MYL5: variants seen among roughly 807,000 people sequenced by gnomAD.
MYL5 encodes myosin regulatory light chain 5.
Under a neutral mutation model 20.8 loss-of-function variants are expected in MYL5, and 28 were observed. The observed-to-expected ratio is 1.35, with a 90% CI of 1.00 to 1.84. The LOEUF is 1.84. Among genes scored for constraint, MYL5 ranks in the 40% most tolerant of loss-of-function variants. MYL5 has a pLI of 0.00. For missense variants in MYL5, 274 were observed against 227.3 expected, an observed-to-expected ratio of 1.21 and a Z score of -1.32; for synonymous variants, 118 against 87.4, an observed-to-expected ratio of 1.35 and a Z score of -1.95.
Position 680,029 on chromosome 4 carries a change from G to A in MYL5, c.292+11G>A. ...GGGAGAAGCTGAGCGGTGAGCACCG[G>A]TGGGGCAGGCCTGGCCCTCCTAGCT... On this transcript the variant is annotated intron_variant, in intron 4 of 6. Transcript: ENST00000400159. 2.5e-6 allele frequency: 4 copies of A among 1,603,480 alleles called. No individual in the cohort carries two copies. The highest frequency in any genetic ancestry group is 3.4e-6 in the Non-Finnish European group (4 of 1,173,132).
At chr4:679,213 A>G in intron 3 of MYL5, 180 bp downstream of exon 5, 1 of 720,692 alleles carries the variant, frequency 1.4e-6, no homozygotes, top group Non-Finnish European at 2.5e-6. Flanking sequence ...CAGAGCTGGC[A>G]GAGAGCATCC....
exon 2 of MYL5, chr4:678,710 C>T: frequency 2.5e-6 from 4 of 1,612,194 alleles, no homozygotes; most frequent in Non-Finnish European, 3.4e-6. Context: ...GCCCAGAGAG[C>T]CTCATCCAAT....
At chr4:681,382 T>G (rs1560156573) in intron 6 of MYL5, among the ~76,000 whole-genome samples, 1 of 151,760 alleles carries the variant, frequency 6.6e-6, no homozygotes, top group Non-Finnish European at 1.5e-5. Context: ...CTCCGCGGCC[T>G]GAGCGTCTGT....
At chr4:676,921 G>A (rs975073580), upstream of MYL5, 19 of 985,296 alleles carry the variant, frequency 1.9e-5, no homozygotes, top group African/African-American at 3.1e-4. Context: ...ACCTGGGGAT[G>A]GCACCAGGCA....
intron 6 of MYL5, 157 bp from the exon 9 acceptor site, chr4:681,736 C>T (rs1389846958): frequency 3.0e-6 from 2 of 671,274 alleles, no homozygotes; most frequent in South Asian, 7.7e-5. Context: ...CCCCCTCCAG[C>T]GCCGCCCCGC....
intron 1 of MYL5, chr4:678,433 G>T (rs1739075789): frequency 3.5e-6 from 5 of 1,424,532 alleles, no homozygotes; most frequent in Non-Finnish European, 4.6e-6. Context: ...GGAAGCCACT[G>T]TCCCTCCCCC....
upstream of MYL5, among the ~76,000 whole-genome samples, chr4:677,199 A>T (rs1738930332): frequency 6.6e-6 from 1 of 152,140 alleles, no homozygotes; most frequent in Non-Finnish European, 1.5e-5. Context: ...CTCAGCCTGT[A>T]GGCCTCCTCC....
At chr4:676,873 C>G (rs1034670446), upstream of MYL5, 52 of 985,226 alleles carry the variant, frequency 5.3e-5, no homozygotes, top group African/African-American at 1.7e-5. Flanking sequence ...CTCCAGGGTC[C>G]TCAACCTCAG....
At chr4:678,097 G>A (rs2109328846) in intron 1 of MYL5, 68 bp downstream of exon 3, 1 of 1,592,620 alleles carries the variant, frequency 6.3e-7, no homozygotes, top group East Asian at 2.3e-5. Flanking sequence ...ATGTGTACAT[G>A]CGCACAGACG....
chr4:675,481 T>A (rs1738767516), upstream of MYL5: 1 of 152,376 alleles, frequency 6.6e-6, no homozygotes, highest in Non-Finnish European at 1.5e-5. Context: ...CCAGGACTCT[T>A]GAAGCAAGCA....
chr4:680,184 G>A (rs1739310407), intron 4 of MYL5, among the ~76,000 whole-genome samples, 166 bp downstream of exon 6: 1 of 152,128 alleles, frequency 6.6e-6, no homozygotes. Flanking sequence ...CCAGAGCCAT[G>A]TGCTCAGGCC....
At chr4:681,861 C>G in intron 6 of MYL5, 32 bp from the exon 9 acceptor site, 1 of 1,307,352 alleles carries the variant, frequency 7.6e-7, no homozygotes, top group Non-Finnish European at 9.8e-7. Flanking sequence ...GCTCCCGGAG[C>G]CCGCAAGGAG....
intron 6 of MYL5, 87 bp downstream of exon 8, chr4:681,227 G>C: frequency 6.7e-7 from 1 of 1,491,918 alleles, no homozygotes; most frequent in Non-Finnish European, 9.1e-7. Context: ...CGGAGCCCGA[G>C]GAGCAGCGCC....
chr4:678,405 G>A lies in MYL5; in HGVS notation c.4-253G>A, dbSNP rs1739073610. On this transcript the variant is annotated intron_variant, in intron 1 of 6. Transcript: ENST00000400159. ...TGCTGGACGGCGATCCCTGACCACT[G>A]TGCTCTGTGGGCCTTCTGGAAGCCA... The A allele has an allele frequency of 4.2e-6, 6 of 1,419,536 alleles. No individual in the cohort carries two copies. The Admixed American group carries it at 8.7e-5, about 21-fold the overall frequency. The allele number at this position is 1,419,536 out of a possible 1,614,324, so 87.9% of individuals were successfully genotyped here.
At chr4:674,825 AGT>A (rs1313882789), upstream of MYL5, 1 of 153,272 alleles carries the variant, frequency 6.5e-6, no homozygotes, top group Admixed American at 6.5e-5. Flanking sequence ...ACAAGGCAGT[AGT>A]GTCTGTCGCC....
At chr4:681,258 AAC>A (rs1434404005) in intron 6 of MYL5, 118 bp downstream of exon 8, 2 of 1,247,630 alleles carry the variant, frequency 1.6e-6, no homozygotes, top group Non-Finnish European at 2.2e-6. Flanking sequence ...CCCAGGACAG[AAC>A]AGGCCCCCGG....
chr4:678,177 C>T lies in MYL5; in HGVS notation c.3+148C>T. On this transcript the variant is annotated intron_variant, in intron 1 of 6. Coordinates refer to ENST00000400159, the Ensembl canonical transcript of MYL5. ...TGTGCTCTGCCTGCATATGTGTGTGCATGAGCGTGTGTATGTGCGTGTGTG... is the reference window on the plus strand; with the variant it reads ...TGTGCTCTGCCTGCATATGTGTGTGTATGAGCGTGTGTATGTGCGTGTGTG... 3.3e-6 allele frequency: 5 copies of T among 1,537,264 alleles called. 1 individual carries two copies. The South Asian group carries it at 6.0e-5, about 19-fold the overall frequency.
At chr4:675,373 C>G (rs767324218), upstream of MYL5, 1 of 152,366 alleles carries the variant, frequency 6.6e-6, no homozygotes, top group Non-Finnish European at 1.5e-5. Context: ...AGTAGTGACG[C>G]AAGGCCTCCT....
intron 4 of MYL5, 145 bp from the exon 7 acceptor site, chr4:680,364 A>C (rs1739332844): frequency 1.2e-6 from 1 of 857,234 alleles, no homozygotes; most frequent in Non-Finnish European, 1.9e-6. Flanking sequence ...GGAAAGGAGA[A>C]GGCCTTCAGG....
Sources: gnomAD v4.1 joint callset for allele counts (sites outside exome capture counted in the v4.1 genomes callset) on GRCh38, gnomAD v4.1.1 for gene constraint, MANE v1.5 for transcripts, NCBI Gene and HGNC (gene_info 2026-07-23, HGNC 2026-07-21) for gene names.